The following SARM1 variants were observed in gnomAD, a reference collection of about 807,000 sequenced individuals.
SARM1 encodes the protein NAD(+) hydrolase SARM1.
A neutral mutation model predicts 65.1 loss-of-function variants in SARM1; 60 were observed. That is an observed-to-expected ratio of 0.92 (90% confidence interval 0.75 to 1.14). SARM1 has a LOEUF of 1.14. Ranked by LOEUF, SARM1 falls within the 50% of genes most tolerant of loss-of-function variation. SARM1 has a pLI of 0.00. For missense variants in SARM1, 913 were observed against 1,015.7 expected (o/e 0.90, Z 1.37); for synonymous variants, 417 against 465.4 (o/e 0.90, Z 1.34).
chr17:28,386,947 C>A (rs553336392), intron 5 of SARM1, among the ~76,000 whole-genome samples: 1 of 152,240 alleles, frequency 6.6e-6, no homozygotes, highest in Non-Finnish European at 1.5e-5. Context: ...CTATGTTGCC[C>A]AGGCTGTTCT....
chr17:28,384,996 C>T lies in SARM1; in HGVS notation c.1395-44C>T, dbSNP rs781817442. On this transcript the variant is annotated intron_variant, in intron 4 of 8. Transcript: ENST00000585482. The surrounding 1 kb of genome is among the most constrained non-coding windows in gnomAD (Gnocchi z 4.4). ...ATAAGCTCCCCCTCCGCCCACAGCC[C>T]GTCCGAGTCTGGACCTCAGCGTCTT... The T allele has an allele frequency of 1.9e-6, 3 of 1,606,958 alleles. No individual in the cohort carries two copies. The highest frequency in any genetic ancestry group is 2.2e-5 in the East Asian group (1 of 44,706).
Position 28,385,103 on chromosome 17 carries a change from C to T in SARM1, c.1458C>T (p.Asn486=). The T allele has an allele frequency of 6.2e-7, 1 of 1,613,922 alleles. No homozygotes were observed. Among genetic ancestry groups the T allele is most frequent in the Non-Finnish European group, 8.5e-7 (1 of 1,179,894 alleles). The change falls in exon 5 of 9, where the codon AAC becomes AAT. Residue 486 remains asparagine, a synonymous_variant. Transcript: ENST00000585482. This position sits in a 1 kb window ranked among gnomAD's most constrained non-coding sequence, Gnocchi z 4.5. ...FANYSTCDRS[N]LADWLGSLDP... Reference sequence around the variant, plus strand: ...ACTATTCTACGTGCGACCGCAGCAACCTGGCGGACTGGCTGGGCAGCCTGG... The same window carrying T: ...ACTATTCTACGTGCGACCGCAGCAATCTGGCGGACTGGCTGGGCAGCCTGG...
intron 1 of SARM1, among the ~76,000 whole-genome samples, chr17:28,377,599 A>C (rs2068000045): frequency 6.6e-6 from 1 of 152,354 alleles, no homozygotes; most frequent in South Asian, 2.1e-4. Context: ...TGCAGTGGAC[A>C]CAAAATCACA....
Position 28,372,055 on chromosome 17 carries a change from C to A in SARM1, c.23C>A (p.Ser8Tyr). 1 of 1,506,426 alleles carries A rather than the reference C, an allele frequency of 6.6e-7. No individual in the cohort carries two copies. The highest frequency in any genetic ancestry group is 8.8e-7 in the Non-Finnish European group (1 of 1,134,078). The allele number at this position is 1,506,426 out of a possible 1,614,324, so 93.3% of individuals were successfully genotyped here. A position where few individuals can be genotyped will look rare whatever the true frequency, so the allele number is the denominator to read the frequency against. The change falls in exon 1 of 9, where the codon TCC (serine) becomes TAC (tyrosine). Residue 8 changes from serine to tyrosine, a missense_variant. Transcript: ENST00000585482. This position sits in a 1 kb window ranked among gnomAD's most constrained non-coding sequence, Gnocchi z 5.2. MVLTLLLSAYKLCRFFAM... is the reference protein window; with the variant it reads MVLTLLLYAYKLCRFFAM... ...CCCATGGTCCTGACGCTGCTTCTCT[C>A]CGCCTACAAGCTGTGTCGCTTCTTC...
intron 1 of SARM1, 23 bp from the exon 2 acceptor site, chr17:28,381,180 C>G: frequency 6.4e-7 from 1 of 1,569,234 alleles, no homozygotes; most frequent in Non-Finnish European, 8.6e-7. Flanking sequence ...ATTCCACTGT[C>G]CCCTTCCACT....
chr17:28,390,930 A>G (rs186296958), intron 7 of SARM1, among the ~76,000 whole-genome samples: 4 of 152,254 alleles, frequency 2.6e-5, no homozygotes, highest in Admixed American at 6.5e-5. Context: ...AAGTAGAATA[A>G]TGTTCCCCTG....
At chr17:28,382,151 G>T (rs2142429382) in intron 2 of SARM1, among the ~76,000 whole-genome samples, 1 of 152,232 alleles carries the variant, frequency 6.6e-6, no homozygotes, top group East Asian at 1.9e-4. Context: ...TTGCAGGGGT[G>T]GGCGTTGGGG....
At chr17:28,389,884 T>G (rs1207096278) in intron 7 of SARM1, among the ~76,000 whole-genome samples, 1 of 152,148 alleles carries the variant, frequency 6.6e-6, no homozygotes, top group African/African-American at 2.4e-5. Context: ...AATGACTAGA[T>G]CGCATACAAG....
chr17:28,395,670 A>T, intron 7 of SARM1: 2 of 497,840 alleles, frequency 4.0e-6, no homozygotes, highest in Non-Finnish European at 7.2e-6. Context: ...AAAGACACTC[A>T]TCACTCAAGA....
Position 28,402,422 on chromosome 17 carries a change from G to T in SARM1, c.*6136G>T. ...TATCCATACCCCACGTGGGGCTTAGGTTAGACCCAGGAAGAACTTCCTTGA... is the reference window on the plus strand; with the variant it reads ...TATCCATACCCCACGTGGGGCTTAGTTTAGACCCAGGAAGAACTTCCTTGA... On this transcript the variant is annotated 3_prime_UTR_variant, in exon 9 of 9. Coordinates refer to ENST00000585482, the MANE Select transcript of SARM1 (RefSeq NM_015077.4). 2 of 947,176 alleles carry T rather than the reference G, an allele frequency of 2.1e-6. No homozygotes were observed. The highest frequency in any genetic ancestry group is 3.3e-6 in the Non-Finnish European group (2 of 614,002). 58.7% of individuals were successfully genotyped at this position (947,176 alleles called of 1,614,324 possible).
Position 28,399,557 on chromosome 17 carries a change from G to C in SARM1, c.*3271G>C, listed in dbSNP as rs782585207. ...AAGAGAGCACTGCCCTTAGACAAGA[G>C]TTGCTTGTCCTGCTGTGGGCTGGGC... is the stretch of plus-strand genomic sequence containing the variant. On this transcript the variant is annotated 3_prime_UTR_variant, in exon 9 of 9. Coordinates refer to ENST00000585482, the MANE Select transcript of SARM1 (RefSeq NM_015077.4). 41 of 1,260,612 alleles carry C rather than the reference G, an allele frequency of 3.3e-5. No individual in the cohort carries two copies. The highest frequency in any genetic ancestry group is 4.6e-5 in the Non-Finnish European group (40 of 871,298). 78.1% of individuals were successfully genotyped at this position (1,260,612 alleles called of 1,614,324 possible).
At position 28,385,429 on chromosome 17, in the gene SARM1, A is replaced by G; in HGVS notation, c.1630+154A>G. 1.6e-6 allele frequency: 1 copy of G among 630,194 alleles called. No homozygotes were observed. The highest frequency in any genetic ancestry group is 2.7e-6 in the Non-Finnish European group (1 of 370,186). The allele number at this position is 630,194 out of a possible 1,614,324, so 39.0% of individuals were successfully genotyped here. ...CTGGGCTCTGAGGATGTAAAGATGA[A>G]TACGTTGCACTTTACCTCAAGAAGT... On this transcript the variant is annotated intron_variant, in intron 5 of 8. Transcript: ENST00000585482. The surrounding 1 kb of genome is among the most constrained non-coding windows in gnomAD (Gnocchi z 4.5).
chr17:28,399,733 G>C lies in SARM1; in HGVS notation c.*3447G>C, dbSNP rs141934516. 40 of 1,613,808 alleles carry C rather than the reference G, an allele frequency of 2.5e-5. No homozygotes were observed. In the African/African-American group the frequency reaches 5.2e-4, roughly 21 times the overall value. On this transcript the variant is annotated 3_prime_UTR_variant, in exon 9 of 9. Coordinates refer to ENST00000585482, the MANE Select transcript of SARM1 (RefSeq NM_015077.4). ...AGCATCCTGTGAGAGACCAGAGAGA[G>C]AGTTTGGATTTCATGTGGGGAACCC...
rs1182640940 is a variant in SARM1 at position 28,396,073 on chromosome 17, A to G, written c.2045+47A>G. ...CCAGGGGGGTAGGGTACAAATCACC[A>G]TGACAGGCAGAGTGTGGGCAAACAG... is the stretch of plus-strand genomic sequence containing the variant. On this transcript the variant is annotated intron_variant, in intron 8 of 8. Coordinates refer to ENST00000585482, the MANE Select transcript of SARM1 (RefSeq NM_015077.4). 5.0e-6 allele frequency: 8 copies of G among 1,613,414 alleles called. 1 individual carries two copies. In the Admixed American group the frequency reaches 1.3e-4, roughly 27 times the overall value.
chr17:28,400,624 CG>C lies in SARM1; in HGVS notation c.*4341del, dbSNP rs1180381795. The C allele has an allele frequency of 1.2e-6, 2 of 1,613,550 alleles. No homozygotes were observed. Among genetic ancestry groups the C allele is most frequent in the African/African-American group, 1.3e-5 (1 of 74,870 alleles). On this transcript the variant is annotated 3_prime_UTR_variant, in exon 9 of 9. Transcript: ENST00000585482. ...CCCTGCATTACCCAATCAGAACAGC[CG>C]GGATGAGCAGGAGGCCAGCTCCCAG...
At chr17:28,393,330 C>T (rs2068090190) in intron 7 of SARM1, among the ~76,000 whole-genome samples, 1 of 152,144 alleles carries the variant, frequency 6.6e-6, no homozygotes, top group South Asian at 2.1e-4. Context: ...GGGAGGATCA[C>T]TTGAGGCCAG....
intron 7 of SARM1, chr17:28,394,883 A>G (rs2068101606): frequency 6.6e-6 from 1 of 152,180 alleles, no homozygotes; most frequent in Non-Finnish European, 1.5e-5. Flanking sequence ...TGCGTATGTT[A>G]CAGTGCTTTG....
At chr17:28,379,072 C>G (rs1309318154) in intron 1 of SARM1, among the ~76,000 whole-genome samples, 1 of 152,164 alleles carries the variant, frequency 6.6e-6, no homozygotes, top group Non-Finnish European at 1.5e-5. Flanking sequence ...ATGACAATCT[C>G]TTTGGGAGAG....
intron 1 of SARM1, chr17:28,374,437 T>G (rs2067977854): frequency 6.6e-6 from 1 of 152,232 alleles, no homozygotes; most frequent in Non-Finnish European, 1.5e-5. Context: ...CTCTGGAGGC[T>G]GAGGCAGGAG....
Sources: gnomAD v4.1 joint callset for allele counts (sites outside exome capture counted in the v4.1 genomes callset) on GRCh38, gnomAD v4.1.1 for gene constraint, Gnocchi (gnomAD v3.1) non-coding constraint, MANE v1.5 for transcripts, NCBI Gene and HGNC (gene_info 2026-07-23, HGNC 2026-07-21) for gene names.